FECH: variants seen among roughly 807,000 people sequenced by gnomAD.
FECH encodes the protein ferrochelatase.
FECH carries 40 observed loss-of-function variants against 56.9 expected under a neutral mutation model. That is an observed-to-expected ratio of 0.70 (90% confidence interval 0.55 to 0.92). The LOEUF is 0.92. Ranked by LOEUF, FECH falls within the 40% of genes least tolerant of loss-of-function variation. FECH has a pLI of 0.00. For synonymous variants in FECH, 175 were observed against 198.6 expected (o/e 0.88, Z 1.00); for missense variants, 431 against 529.1 (o/e 0.81, Z 1.82).
chr18:57,552,757 G>A (rs1054611616), intron 9 of FECH, among the ~76,000 whole-genome samples: 2 of 152,134 alleles, frequency 1.3e-5, no homozygotes, highest in African/African-American at 4.8e-5. Flanking sequence ...TGGGAAAAAC[G>A]TTGAGATTCA....
intron 7 of FECH, among the ~76,000 whole-genome samples, chr18:57,558,456 G>A (rs2050895680): frequency 6.6e-6 from 1 of 152,158 alleles, no homozygotes; most frequent in Non-Finnish European, 1.5e-5. Context: ...TGCCTAACAA[G>A]TCCTGAGGAC....
At chr18:57,553,085 A>T (rs1189486077) in intron 9 of FECH, among the ~76,000 whole-genome samples, 1 of 152,212 alleles carries the variant, frequency 6.6e-6, no homozygotes, top group Non-Finnish European at 1.5e-5. Flanking sequence ...AAATCATAAT[A>T]AATTTAAAAT....
intron 4 of FECH, 140 bp from the exon 5 acceptor site, chr18:57,566,721 C>T (rs1251464219): frequency 2.9e-6 from 3 of 1,029,720 alleles, no homozygotes; most frequent in Non-Finnish European, 4.4e-6. Context: ...GCAAGTTTAG[C>T]ATATTCCTTG....
rs999336099 is a variant in FECH at position 57,548,933 on chromosome 18, C to G, written c.*1779G>C. On this transcript the variant is annotated 3_prime_UTR_variant, in exon 11 of 11. Coordinates refer to ENST00000262093, the MANE Select transcript of FECH (RefSeq NM_000140.5). ...AGTCATCAAAGAATTGAAGCAGGCC[C>G]TTGGGAAATATCCTTAAGGGGAGAG... The G allele has an allele frequency of 1.3e-5, 2 of 152,174 alleles. No homozygotes were observed. The highest frequency in any genetic ancestry group is 2.1e-4 in the South Asian group (1 of 4,830). The allele number at this position is 152,174 out of a possible 1,614,324, so 9.4% of individuals were successfully genotyped here. A position where few individuals can be genotyped will look rare whatever the true frequency, so the allele number is the denominator to read the frequency against.
rs930756659 is a variant in FECH at position 57,566,201 on chromosome 18, G to GAA, written c.598+244_598+245dup. Among the ~76,000 whole-genome samples, 108 of 152,258 alleles carry GAA rather than the reference G, an allele frequency of 7.1e-4. 1 individual carries two copies. Among genetic ancestry groups the GAA allele is most frequent in the African/African-American group, 1.9e-3 (77 of 41,542 alleles). On this transcript the variant is annotated intron_variant, in intron 5 of 10. Transcript: ENST00000262093. ...CATTACACAATGGCATTAAAGCACT[G>GAA]AACACTGACAGCCACTGCCTACCAC...
chr18:57,554,703 CAG>C (rs1274903892), intron 8 of FECH, 140 bp downstream of exon 8: 5 of 768,382 alleles, frequency 6.5e-6, no homozygotes, highest in Middle Eastern at 3.3e-4. Flanking sequence ...TACTCGCTTG[CAG>C]AGTTCTTTCT....
Position 57,550,619 on chromosome 18 carries a change from T to A in FECH, c.*93A>T. The A allele has an allele frequency of 9.2e-6, 14 of 1,515,390 alleles. No homozygotes were observed. Among genetic ancestry groups the A allele is most frequent in the Non-Finnish European group, 1.1e-5 (12 of 1,096,166 alleles). The allele number at this position is 1,515,390 out of a possible 1,614,324, so 93.9% of individuals were successfully genotyped here. A position where few individuals can be genotyped will look rare whatever the true frequency, so the allele number is the denominator to read the frequency against. On this transcript the variant is annotated 3_prime_UTR_variant, in exon 11 of 11. Transcript: ENST00000262093. ...TGTATATATATCAAGGAAGGATGACTTCCTTCCTTGATCTCTAAATAACAC... is the reference window on the plus strand; with the variant it reads ...TGTATATATATCAAGGAAGGATGACATCCTTCCTTGATCTCTAAATAACAC...
chr18:57,558,038 A>G (rs889955838), intron 7 of FECH, among the ~76,000 whole-genome samples: 3 of 152,230 alleles, frequency 2.0e-5, no homozygotes, highest in Non-Finnish European at 4.4e-5. Flanking sequence ...GATGAGTGGA[A>G]AATCTGCAGA....
intron 6 of FECH, among the ~76,000 whole-genome samples, chr18:57,560,432 C>CT (rs2050929684): frequency 6.6e-6 from 1 of 152,238 alleles, no homozygotes; most frequent in Admixed American, 6.5e-5. Flanking sequence ...TGGACGACTG[C>CT]TGGAGCCCAG....
chr18:57,565,296 G>A (rs2051001549), intron 5 of FECH, among the ~76,000 whole-genome samples: 1 of 152,182 alleles, frequency 6.6e-6, no homozygotes, highest in African/African-American at 2.4e-5. Context: ...TTGTAGTGGT[G>A]CATTTCCAAA....
chr18:57,577,298 TC>T (rs2051197970), intron 2 of FECH, among the ~76,000 whole-genome samples: 1 of 150,880 alleles, frequency 6.6e-6, no homozygotes, highest in Non-Finnish European at 1.5e-5. Context: ...ACAGCTCCCC[TC>T]ATTGTTTATG....
At chr18:57,554,763 A>T in intron 8 of FECH, 82 bp downstream of exon 8, 10 of 1,167,684 alleles carry the variant, frequency 8.6e-6, no homozygotes, top group Non-Finnish European at 1.3e-5. Flanking sequence ...CATGTGTAAG[A>T]GCCAAATCTA....
chr18:57,571,633 T>C (rs769929033), intron 3 of FECH, 93 bp from the exon 4 acceptor site: 8 of 1,582,324 alleles, frequency 5.1e-6, no homozygotes, highest in Non-Finnish European at 6.9e-6. Flanking sequence ...AAAAGCAAAA[T>C]TTTAGAGAGC....
chr18:57,549,233 A>C lies in FECH; in HGVS notation c.*1479T>G, dbSNP rs112062178. On this transcript the variant is annotated 3_prime_UTR_variant, in exon 11 of 11. Transcript: ENST00000262093. ...GGAAAACTATTAACTCAAGTGGATG[A>C]CATGTTTCTTTTCCTGTATTAAAAA... 1.3e-5 allele frequency: 2 copies of C among 152,208 alleles called. No individual in the cohort carries two copies. The highest frequency in any genetic ancestry group is 2.9e-5 in the Non-Finnish European group (2 of 68,030). 9.4% of individuals were successfully genotyped at this position (152,208 alleles called of 1,614,324 possible). A position where few individuals can be genotyped will look rare whatever the true frequency, so the allele number is the denominator to read the frequency against.
chr18:57,570,941 T>C (rs1568150499), intron 4 of FECH, among the ~76,000 whole-genome samples: 1 of 152,240 alleles, frequency 6.6e-6, no homozygotes, highest in African/African-American at 2.4e-5. Context: ...TGCGAGTTGC[T>C]TACTGTCCTG....
Position 57,562,970 on chromosome 18 carries a change from T to A in FECH, c.609A>T (p.Leu203Phe). The change falls in exon 6 of 11, where the codon TTA becomes TTT. Residue 203 changes from leucine to phenylalanine, a missense_variant. Physicochemically the swap from Leu to Phe is conservative, Grantham distance 22. Coordinates refer to ENST00000262093, the MANE Select transcript of FECH (RefSeq NM_000140.5). ...GATTATAGTATCTGTAAATGGCATTTAAGCTGCTGCCTGAAATATACAGAG... is the reference window on the plus strand; with the variant it reads ...GATTATAGTATCTGTAAATGGCATTAAAGCTGCTGCCTGAAATATACAGAG... ...QYSCSTTGSS[L>F]NAIYRYYNQV... 1 of 1,613,948 alleles carries A rather than the reference T, an allele frequency of 6.2e-7. No individual in the cohort carries two copies. The highest frequency in any genetic ancestry group is 8.5e-7 in the Non-Finnish European group (1 of 1,179,846).
chr18:57,554,418 G>T lies in FECH; in HGVS notation c.919C>A (p.Pro307Thr). The T allele has an allele frequency of 6.2e-7, 1 of 1,614,148 alleles. No individual in the cohort carries two copies. The highest frequency in any genetic ancestry group is 8.5e-7 in the Non-Finnish European group (1 of 1,180,014). The change falls in exon 9 of 11, where the codon CCA becomes ACA. Residue 307 changes from proline (P) to threonine (T), a missense_variant. Coordinates refer to ENST00000262093, the MANE Select transcript of FECH (RefSeq NM_000140.5). ...YRLVWQSKVG[P>T]MPWLGPQTDE... ...GTTTGAGGACCCAACCAGGGCATTGGACCAACCTATGCGAAAGATAGACGA... is the reference window on the plus strand; with the variant it reads ...GTTTGAGGACCCAACCAGGGCATTGTACCAACCTATGCGAAAGATAGACGA...
chr18:57,566,713 A>T (rs775270296), intron 4 of FECH, 132 bp from the exon 5 acceptor site: 1 of 1,072,638 alleles, frequency 9.3e-7, no homozygotes, highest in Non-Finnish European at 1.4e-6. Context: ...CGGTGAAGGC[A>T]AGTTTAGCAT....
intron 3 of FECH, among the ~76,000 whole-genome samples, chr18:57,572,513 T>TAAAAAAA (rs57279341): frequency 1.8e-5 from 1 of 55,994 alleles, no homozygotes; most frequent in Non-Finnish European, 3.0e-5. Context: ...TATACGTATG[T>TAAAAAAA]AAAAAAAAAA....
Sources: allele counts gnomAD v4.1 joint callset (sites outside exome capture counted in the v4.1 genomes callset), GRCh38; gene constraint gnomAD v4.1.1; transcripts MANE v1.5; gene names NCBI Gene and HGNC (gene_info 2026-07-23, HGNC 2026-07-21).